Variants in CYP2C19 observed in about 807,000 individuals in gnomAD.
CYP2C19 encodes the protein cytochrome P450 family 2 subfamily C member 19.
CYP2C19 carries 59 observed loss-of-function variants against 40.9 expected under a neutral mutation model. The observed-to-expected ratio is 1.44, with a 90% confidence interval of 1.17 to 1.79. The LOEUF (loss-of-function observed/expected upper bound fraction) is 1.79, where lower values mean the gene tolerates loss of function less well. Among genes scored for constraint, CYP2C19 ranks in the 40% most tolerant of loss-of-function variants. CYP2C19 has a pLI of 0.00. For synonymous variants in CYP2C19, 253 were observed against 208.7 expected (o/e 1.21, Z -1.83); for missense variants, 754 against 596.9 (o/e 1.26, Z -2.74).
At position 94,839,553 on chromosome 10, in the gene CYP2C19, G is replaced by A. The variant is rs111912226; in HGVS notation, c.962-3284G>A. Among the ~76,000 whole-genome samples the A allele has an allele frequency of 2.6e-3, 402 of 152,288 alleles. 2 individuals carry two copies. The highest frequency in any genetic ancestry group is 8.4e-3 in the African/African-American group (347 of 41,544). ...CCAGCTGCCCCATCAACATGCATTC[G>A]CATAAACAACAGTTCTTATGCAAAT... On this transcript the variant is annotated intron_variant, in intron 6 of 8. Transcript: ENST00000371321.
At position 94,808,754 on chromosome 10, in the gene CYP2C19, A is replaced by C. The variant is rs115039939; in HGVS notation, c.820-11742A>C. Reference sequence around the variant, plus strand: ...CTCCAATTCTATCTGTGTTGTTGCAAATGACCGAATCTCATTTTTTTAAAT... The same window carrying C: ...CTCCAATTCTATCTGTGTTGTTGCACATGACCGAATCTCATTTTTTTAAAT... On this transcript the variant is annotated intron_variant, in intron 5 of 8. Transcript: ENST00000371321. 3.1e-3 allele frequency among the ~76,000 whole-genome samples: 475 copies of C among 152,232 alleles called. 3 individuals are homozygous for C. Among genetic ancestry groups the C allele is most frequent in the African/African-American group, 0.011 (448 of 41,558 alleles).
intron 6 of CYP2C19, among the ~76,000 whole-genome samples, chr10:94,824,634 GCTTA>G (rs1430194932): frequency 1.3e-5 from 2 of 151,960 alleles, no homozygotes; most frequent in African/African-American, 4.8e-5. Flanking sequence ...CTAAATTTAT[GCTTA>G]CTTTATGTTT....
intron 5 of CYP2C19, among the ~76,000 whole-genome samples, chr10:94,818,224 G>T (rs1028440982): frequency 2.1e-5 from 3 of 144,984 alleles, no homozygotes; most frequent in South Asian, 2.3e-4. Context: ...ATTTCTGAGG[G>T]CTCTGTTCTG....
chr10:94,777,725 T>C (rs1260385922), intron 3 of CYP2C19, among the ~76,000 whole-genome samples: 1 of 152,078 alleles, frequency 6.6e-6, no homozygotes, highest in East Asian at 1.9e-4. Flanking sequence ...GTAATACCAT[T>C]CAGGACATAA....
intron 6 of CYP2C19, among the ~76,000 whole-genome samples, chr10:94,839,084 A>C (rs375160727): frequency 6.5e-4 from 99 of 152,320 alleles, no homozygotes; most frequent in African/African-American, 2.3e-3. Flanking sequence ...TCTGATGAGC[A>C]TAAGTCCTAG....
chr10:94,850,155 C>T, intron 8 of CYP2C19, 97 bp downstream of exon 8: 1 of 1,380,614 alleles, frequency 7.2e-7, no homozygotes, highest in Non-Finnish European at 1.0e-6. Flanking sequence ...GGTACAGTTA[C>T]TCTTTGTACA....
At chr10:94,841,680 G>A (rs769878533) in intron 6 of CYP2C19, among the ~76,000 whole-genome samples, 3 of 152,082 alleles carry the variant, frequency 2.0e-5, no homozygotes, top group Admixed American at 1.3e-4. Context: ...CTAGGTTTTG[G>A]TATGTTATGT....
intron 5 of CYP2C19, among the ~76,000 whole-genome samples, chr10:94,816,542 A>T (rs1425776753): frequency 6.6e-6 from 1 of 151,778 alleles, no homozygotes; most frequent in Non-Finnish European, 1.5e-5. Context: ...TTATTTTTTT[A>T]ATTTTTACAA....
intron 2 of CYP2C19, 65 bp from the exon 3 acceptor site, chr10:94,775,325 C>A: frequency 6.2e-7 from 1 of 1,612,328 alleles, no homozygotes; most frequent in Non-Finnish European, 8.5e-7. Context: ...CACATGGCTG[C>A]CCAGTGTCAG....
intron 5 of CYP2C19, among the ~76,000 whole-genome samples, chr10:94,806,300 T>A (rs1476700377): frequency 6.6e-6 from 1 of 152,186 alleles, no homozygotes; most frequent in East Asian, 1.9e-4. Flanking sequence ...TTACCCATTT[T>A]TCTGTTGATG....
At chr10:94,846,457 C>T (rs1414396019) in intron 7 of CYP2C19, among the ~76,000 whole-genome samples, 2 of 152,144 alleles carry the variant, frequency 1.3e-5, no homozygotes, top group African/African-American at 4.8e-5. Flanking sequence ...TGCCAGATCT[C>T]TCCATTGAAG....
chr10:94,781,293 TATG>T (rs1848475822), intron 4 of CYP2C19, among the ~76,000 whole-genome samples: 1 of 152,160 alleles, frequency 6.6e-6, no homozygotes, highest in Non-Finnish European at 1.5e-5. Flanking sequence ...ATAATAATTG[TATG>T]ATTTTACAGA....
chr10:94,842,704 A>T (rs1433543003), intron 6 of CYP2C19, 133 bp from the exon 7 acceptor site: 1 of 1,024,092 alleles, frequency 9.8e-7, no homozygotes, highest in Non-Finnish European at 1.5e-6. Flanking sequence ...TAAGTTACAC[A>T]TACTTCCAGC....
At chr10:94,812,756 T>G (rs1351826896) in intron 5 of CYP2C19, among the ~76,000 whole-genome samples, 6 of 151,788 alleles carry the variant, frequency 4.0e-5, no homozygotes, top group Non-Finnish European at 7.4e-5. Flanking sequence ...TAGTTAGCAA[T>G]TCGTCTAACA....
chr10:94,811,942 T>C (rs1848931595), intron 5 of CYP2C19, among the ~76,000 whole-genome samples: 1 of 146,904 alleles, frequency 6.8e-6, no homozygotes, highest in Non-Finnish European at 1.5e-5. Context: ...TTTTGCCTTT[T>C]AGTTGATGCA....
chr10:94,783,357 T>C (rs1848502520), intron 5 of CYP2C19, among the ~76,000 whole-genome samples: 1 of 151,918 alleles, frequency 6.6e-6, no homozygotes, highest in African/African-American at 2.4e-5. Context: ...GGGTTTCAGA[T>C]GGGTTGGAAT....
chr10:94,762,872 A>G lies in CYP2C19; in HGVS notation c.167A>G (p.Asn56Ser), dbSNP rs1848191858. The change falls in exon 1 of 9, where the codon AAT (asparagine) becomes AGT (serine). Residue 56 changes from asparagine (N) to serine (S), a missense_variant and splice_region_variant. Transcript: ENST00000371321. ...AAGGATGTCAGCAAATCCTTAACCA[A>G]TGTAAGTATGCTCCTTCAGTGGCTT... ...DIKDVSKSLT[N>S]LSKIYGPVFT... The G allele has an allele frequency of 1.9e-6, 3 of 1,612,902 alleles. No individual in the cohort carries two copies. Among genetic ancestry groups the G allele is most frequent in the Middle Eastern group, 1.7e-4 (1 of 6,036 alleles).
At position 94,831,570 on chromosome 10, in the gene CYP2C19, G is replaced by T. The variant is rs112533173; in HGVS notation, c.961+10933G>T. ...CACATCCTCACTAGCATTTGTTATT[G>T]CCTGTCTTTTGGATATAAGCCATTT... On this transcript the variant is annotated intron_variant, in intron 6 of 8. Coordinates refer to ENST00000371321, the MANE Select transcript of CYP2C19 (RefSeq NM_000769.4). Among the ~76,000 whole-genome samples, 473 of 152,198 alleles carry T rather than the reference G, an allele frequency of 3.1e-3. 3 individuals carry two copies. The highest frequency in any genetic ancestry group is 0.011 in the African/African-American group (450 of 41,570).
Position 94,840,921 on chromosome 10 carries a change from C to T in CYP2C19, c.962-1916C>T, listed in dbSNP as rs887445897. On this transcript the variant is annotated intron_variant, in intron 6 of 8. Transcript: ENST00000371321. Reference sequence around the variant, plus strand: ...GCCGACAGGTGCCTGGTATTTTCCTCCAGTTCTAAGGAAGGATAGGACAGA... The same window carrying T: ...GCCGACAGGTGCCTGGTATTTTCCTTCAGTTCTAAGGAAGGATAGGACAGA... Among the ~76,000 whole-genome samples, 28 of 152,218 alleles carry T rather than the reference C, an allele frequency of 1.8e-4. 1 individual carries two copies. Among genetic ancestry groups the T allele is most frequent in the Admixed American group, 2.0e-4 (3 of 15,288 alleles).
Sources: gnomAD v4.1 joint callset for allele counts (sites outside exome capture counted in the v4.1 genomes callset) on GRCh38, gnomAD v4.1.1 for gene constraint, MANE v1.5 for transcripts, NCBI Gene and HGNC (gene_info 2026-07-23, HGNC 2026-07-21) for gene names.